AMZ1: variants seen among roughly 807,000 people sequenced by gnomAD.
AMZ1 encodes archaelysin family metallopeptidase 1, also known as archaemetzincin-1.
In AMZ1, 39 loss-of-function variants were observed where a neutral mutation model predicts 29.9. The ratio of observed to expected loss-of-function variants is 1.30; its 90% CI spans 1.01 to 1.70. The LOEUF (loss-of-function observed/expected upper bound fraction) is 1.70, where lower values mean the gene tolerates loss of function less well. AMZ1 is among the 40% of genes most tolerant of loss of function. The pLI, the probability that AMZ1 is intolerant of heterozygous loss-of-function variation, is 0.00. For missense variants in AMZ1, 1,041 were observed against 680.6 expected, an observed-to-expected ratio of 1.53 and a Z score of -5.89; for synonymous variants, 458 against 304.0, an observed-to-expected ratio of 1.51 and a Z score of -5.27.
chr7:2,742,548 T>C (rs1162426085), intron 4 of AMZ1, among the ~76,000 whole-genome samples: 1 of 152,238 alleles, frequency 6.6e-6, no homozygotes, highest in East Asian at 1.9e-4. Context: ...AATTCATCTC[T>C]GTCCTCGCTT....
At position 2,716,708 on chromosome 7, in the gene AMZ1, C is replaced by T. The variant is rs951672470; in HGVS notation, c.*3830C>T. ...TCGGAGAGAGGGACCGGCTGCCCTG[C>T]CCAAGGCCCACCTGGACAGGCAAGT... On this transcript the variant is annotated 3_prime_UTR_variant, in exon 7 of 7. Coordinates refer to ENST00000683327, the MANE Select transcript of AMZ1 (RefSeq NM_001384743.1). Among the ~76,000 whole-genome samples the T allele has an allele frequency of 3.3e-5, 5 of 152,210 alleles. No individual in the cohort carries two copies. Among genetic ancestry groups the T allele is most frequent in the Non-Finnish European group, 5.9e-5 (4 of 68,028 alleles).
chr7:2,708,722 C>T lies in AMZ1; in HGVS notation c.601+6C>T, dbSNP rs1487945308. 4.3e-6 allele frequency: 7 copies of T among 1,612,238 alleles called. No homozygotes were observed. Among genetic ancestry groups the T allele is most frequent in the Admixed American group, 1.7e-5 (1 of 60,028 alleles). ...CAAGTTCCTTCCAGGGCACGGTGAG[C>T]CGGGGCCCCAGCAGCTGTGCGTGGG... On this transcript the variant is annotated splice_donor_region_variant and intron_variant, in intron 4 of 6. Transcript: ENST00000683327.
At chr7:2,754,925 T>G (rs902390588) in intron 4 of AMZ1, among the ~76,000 whole-genome samples, 10 of 152,234 alleles carry the variant, frequency 6.6e-5, no homozygotes, top group Non-Finnish European at 1.0e-4. Context: ...GTTCTGCGCT[T>G]TACACTGAAA....
intron 1 of AMZ1, among the ~76,000 whole-genome samples, chr7:2,690,040 A>G (rs1355078441): frequency 6.6e-6 from 1 of 152,148 alleles, no homozygotes. Context: ...TGTGGCCACA[A>G]GGCTTCTTGA....
intron 4 of AMZ1, among the ~76,000 whole-genome samples, chr7:2,748,230 G>C (rs909729226): frequency 2.0e-5 from 3 of 151,492 alleles, no homozygotes; most frequent in African/African-American, 7.3e-5. Flanking sequence ...GAACAAAGCT[G>C]GAGGCATCAC....
intron 1 of AMZ1, among the ~76,000 whole-genome samples, chr7:2,699,174 C>T (rs777561685): frequency 3.3e-5 from 5 of 152,130 alleles, no homozygotes; most frequent in Non-Finnish European, 2.9e-5. Flanking sequence ...ACTCTCCATC[C>T]GCCCTGGCAG....
chr7:2,685,345 G>C (rs1478240809), upstream of AMZ1, among the ~76,000 whole-genome samples: 1 of 151,298 alleles, frequency 6.6e-6, no homozygotes, highest in Non-Finnish European at 1.5e-5. Flanking sequence ...ATCACTTGAA[G>C]TCAGGAGTTC....
intron 1 of AMZ1, among the ~76,000 whole-genome samples, chr7:2,696,969 A>C (rs924217822): frequency 7.2e-5 from 11 of 152,216 alleles, no homozygotes; most frequent in Non-Finnish European, 1.3e-4. Flanking sequence ...TTTGCAATAC[A>C]AATCACGATC....
At chr7:2,712,298 G>C in intron 6 of AMZ1, 32 bp from the exon 7 acceptor site, 2 of 1,526,244 alleles carry the variant, frequency 1.3e-6, no homozygotes, top group Middle Eastern at 2.0e-4. Context: ...GGCTGGCACG[G>C]AGCAAACTCA....
At chr7:2,726,667 A>T (rs1789631092) in intron 4 of AMZ1, among the ~76,000 whole-genome samples, 2 of 152,192 alleles carry the variant, frequency 1.3e-5, no homozygotes, top group South Asian at 4.1e-4. Flanking sequence ...CCCACCAGCC[A>T]CACATGGGCT....
At position 2,712,661 on chromosome 7, in the gene AMZ1, T is replaced by C; in HGVS notation, c.1280T>C (p.Leu427Pro). Residue 427 changes from leucine (L) to proline (P), a missense_variant, in exon 7 of 7, where the codon CTG becomes CCG. Physicochemically the swap from Leu to Pro is moderately conservative, Grantham distance 98. Coordinates refer to ENST00000683327, the MANE Select transcript of AMZ1 (RefSeq NM_001384743.1). ...ALQREVAEED[L>P]VQVDRAVDAL... ...CAGCGGGAAGTGGCAGAGGAGGACC[T>C]GGTGCAGGTGGACAGAGCCGTGGAC... 6.2e-7 allele frequency: 1 copy of C among 1,612,992 alleles called. No individual in the cohort carries two copies. The highest frequency in any genetic ancestry group is 8.5e-7 in the Non-Finnish European group (1 of 1,179,888).
chr7:2,706,029 G>A (rs1360602487), intron 3 of AMZ1, among the ~76,000 whole-genome samples: 1 of 152,226 alleles, frequency 6.6e-6, no homozygotes, highest in Non-Finnish European at 1.5e-5. Context: ...CCTCTGCTTA[G>A]TGGACAAACT....
At chr7:2,763,182 A>G, upstream of AMZ1, 2 of 741,860 alleles carry the variant, frequency 2.7e-6, no homozygotes, top group Non-Finnish European at 3.5e-6. Flanking sequence ...GGACTTCACA[A>G]GACACCCCAA....
chr7:2,744,894 C>A (rs749464590), intron 4 of AMZ1, among the ~76,000 whole-genome samples: 1 of 151,816 alleles, frequency 6.6e-6, no homozygotes, highest in African/African-American at 2.4e-5. Flanking sequence ...GGAGCCGATG[C>A]GATGAACTGG....
At chr7:2,725,532 G>C (rs1039418864) in intron 4 of AMZ1, among the ~76,000 whole-genome samples, 1 of 152,248 alleles carries the variant, frequency 6.6e-6, no homozygotes, top group South Asian at 2.1e-4. Flanking sequence ...AGATGGAGCA[G>C]CAAGTGAATG....
Position 2,699,539 on chromosome 7 carries a change from C to G in AMZ1, c.-218-695C>G, listed in dbSNP as rs188592062. Among the ~76,000 whole-genome samples the G allele has an allele frequency of 3.4e-3, 517 of 152,148 alleles. 6 individuals are homozygous for G. The highest frequency in any genetic ancestry group is 0.018 in the Admixed American group (274 of 15,270). On this transcript the variant is annotated intron_variant, in intron 1 of 6. Coordinates refer to ENST00000683327, the MANE Select transcript of AMZ1 (RefSeq NM_001384743.1). ...TGGGGCTGCGTACCCCCGCCCCCCCCCAAACATATGCTTGCTGGGCGCACA... is the reference window on the plus strand; with the variant it reads ...TGGGGCTGCGTACCCCCGCCCCCCCGCAAACATATGCTTGCTGGGCGCACA...
At position 2,712,758 on chromosome 7, in the gene AMZ1, C is replaced by T. The variant is rs143952364; in HGVS notation, c.1377C>T (p.Asp459=). 14 of 1,599,256 alleles carry T rather than the reference C, an allele frequency of 8.8e-6. No homozygotes were observed. The African/African-American group carries it at 1.6e-4, about 18-fold the overall frequency. The change falls in exon 7 of 7, where the codon GAC becomes GAT. Residue 459 remains aspartate (D), a synonymous_variant. Transcript: ENST00000683327. ...ATRQDPPSSR[D]SVGLRKVLGD... ...GGCAGGACCCACCCAGCAGCAGGGACAGCGTGGGGCTGCGCAAGGTGCTGG... is the reference window on the plus strand; with the variant it reads ...GGCAGGACCCACCCAGCAGCAGGGATAGCGTGGGGCTGCGCAAGGTGCTGG...
In AMZ1 at chr7:2,712,884, C is replaced by T. The variant is rs1406816121; in HGVS notation, c.*6C>T. 6.6e-7 allele frequency: 1 copy of T among 1,513,126 alleles called. No homozygotes were observed. The highest frequency in any genetic ancestry group is 8.8e-7 in the Non-Finnish European group (1 of 1,130,732). 93.7% of individuals were successfully genotyped at this position (1,513,126 alleles called of 1,614,324 possible). On this transcript the variant is annotated 3_prime_UTR_variant, in exon 7 of 7. Transcript: ENST00000683327. ...GGGATGGGGAAGAGAGTTAGTACAG[C>T]AGGGGCTGCCCTACGTCTCCTTCCC...
chr7:2,699,607 G>A (rs1369731614), intron 1 of AMZ1, among the ~76,000 whole-genome samples: 2 of 151,996 alleles, frequency 1.3e-5, no homozygotes, highest in African/African-American at 2.4e-5. Context: ...AAGAGCTGCC[G>A]TGATGGGAGT....
Sources: gnomAD v4.1 joint callset for allele counts (sites outside exome capture counted in the v4.1 genomes callset) on GRCh38, gnomAD v4.1.1 for gene constraint, MANE v1.5 for transcripts, NCBI Gene and HGNC (gene_info 2026-07-23, HGNC 2026-07-21) for gene names.